ESF1: variants seen among roughly 807,000 people sequenced by gnomAD.
The protein encoded by ESF1 is ESF1 homolog.
Under a neutral mutation model 92.0 loss-of-function variants are expected in ESF1, and 58 were observed. That is an observed-to-expected ratio of 0.63 (90% CI 0.51 to 0.78). The LOEUF (loss-of-function observed/expected upper bound fraction) is 0.78. Among genes scored for constraint, ESF1 ranks in the 30% least tolerant of loss-of-function variants. The pLI is 0.00. For synonymous variants in ESF1, 321 were observed against 313.7 expected, an observed-to-expected ratio of 1.02 and a Z score of -0.24; for missense variants, 922 against 989.1, an observed-to-expected ratio of 0.93 and a Z score of 0.91.
At chr20:13,753,317 T>C (rs901967855) in intron 9 of ESF1, among the ~76,000 whole-genome samples, 5 of 151,476 alleles carry the variant, frequency 3.3e-5, no homozygotes, top group Admixed American at 3.3e-4. Flanking sequence ...CTGCTTCCCC[T>C]CTATCTCTTT....
At chr20:13,730,365 C>G (rs140737816) in intron 10 of ESF1, among the ~76,000 whole-genome samples, 1 of 151,264 alleles carries the variant, frequency 6.6e-6, no homozygotes, top group Admixed American at 6.6e-5. Flanking sequence ...TGAACCAACA[C>G]GCCTGGCCAA....
intron 8 of ESF1, among the ~76,000 whole-genome samples, chr20:13,762,679 TA>T (rs1455746100): frequency 2.0e-5 from 3 of 152,104 alleles, no homozygotes; most frequent in Non-Finnish European, 1.5e-5. Flanking sequence ...TATGCTCTCT[TA>T]TAAACAATAA....
rs1204566954 is a variant in ESF1 at position 13,751,571 on chromosome 20, T to TG, written c.1828+8120dup. ...TTTTAACTGGAATCCTGTGCAGGGATGTGGGGGGGAACCAGATCAATTAAC... is the reference window on the plus strand; with the variant it reads ...TTTTAACTGGAATCCTGTGCAGGGATGGTGGGGGGGAACCAGATCAATTAAC... On this transcript the variant is annotated intron_variant, in intron 9 of 13. Coordinates refer to ENST00000617257, the MANE Select transcript of ESF1 (RefSeq NM_001276380.2). Among the ~76,000 whole-genome samples the TG allele has an allele frequency of 3.3e-4, 50 of 152,236 alleles. No homozygotes were observed. In the East Asian group the frequency reaches 7.3e-3, roughly 22 times the overall value.
intron 8 of ESF1, among the ~76,000 whole-genome samples, chr20:13,760,729 G>A (rs180707073): frequency 7.4e-4 from 111 of 149,256 alleles, no homozygotes; most frequent in Non-Finnish European, 1.4e-3. Flanking sequence ...AGCCCCCACC[G>A]GCCAGCCGCC....
In ESF1 at chr20:13,733,740, CT is replaced by C; in HGVS notation, c.1930del (p.Arg644AspfsTer2). On this transcript the variant is annotated frameshift_variant, in exon 10 of 14. Transcript: ENST00000617257. LOFTEE classifies it high-confidence loss of function. ...QFLEKKKEKK[R>X]LKRKQKALAE... is the part of the protein sequence containing the mutation. ...TGATACCTTCTGTTTCCTTTTCAGT[CT>C]TTTTTTCTCTTTCTTCTTCTCTAAA... The C allele has an allele frequency of 1.2e-6, 2 of 1,611,648 alleles. No individual in the cohort carries two copies.
intron 9 of ESF1, among the ~76,000 whole-genome samples, chr20:13,736,111 C>A (rs1056048972): frequency 6.6e-6 from 1 of 152,148 alleles, no homozygotes; most frequent in Non-Finnish European, 1.5e-5. Context: ...TGAAGCTTAA[C>A]AGCATTGACA....
intron 12 of ESF1, 125 bp from the exon 13 acceptor site, chr20:13,717,639 C>T: frequency 2.0e-6 from 2 of 987,366 alleles, no homozygotes. Flanking sequence ...TCTGGGGTAC[C>T]ACCTGTTGTC....
intron 7 of ESF1, among the ~76,000 whole-genome samples, chr20:13,768,777 A>C (rs537748298): frequency 6.6e-6 from 1 of 151,520 alleles, no homozygotes; most frequent in Admixed American, 6.6e-5. Flanking sequence ...CACACCTGTA[A>C]TCCCAGCTAC....
At chr20:13,750,440 G>A (rs566771112) in intron 9 of ESF1, among the ~76,000 whole-genome samples, 15 of 152,124 alleles carry the variant, frequency 9.9e-5, no homozygotes, top group Non-Finnish European at 2.1e-4. Flanking sequence ...GGGAGGCAGC[G>A]GTTGCAGTGA....
At chr20:13,781,655 T>G (rs959364123) in intron 2 of ESF1, among the ~76,000 whole-genome samples, 3 of 152,194 alleles carry the variant, frequency 2.0e-5, no homozygotes, top group African/African-American at 7.2e-5. Flanking sequence ...TTCACCAAAG[T>G]GTGACCCCTG....
chr20:13,721,072 G>A (rs1044648344), intron 11 of ESF1, among the ~76,000 whole-genome samples: 1 of 152,154 alleles, frequency 6.6e-6, no homozygotes, highest in Non-Finnish European at 1.5e-5. Context: ...GCAGTGAGCA[G>A]AGATTGTGCC....
intron 2 of ESF1, among the ~76,000 whole-genome samples, chr20:13,781,847 A>G (rs186057804): frequency 6.6e-6 from 1 of 152,264 alleles, no homozygotes; most frequent in African/African-American, 2.4e-5. Flanking sequence ...CTCTTATTTT[A>G]TTTTTGAGAC....
chr20:13,760,419 G>A (rs6042350), intron 8 of ESF1, among the ~76,000 whole-genome samples: 133,847 of 148,728 alleles, frequency 0.9, 60,308 homozygotes, highest in East Asian at 1. Flanking sequence ...CCCGTCTGGG[G>A]TGTGAGGAGC....
chr20:13,726,111 T>C (rs2049899051), intron 11 of ESF1, among the ~76,000 whole-genome samples: 2 of 152,186 alleles, frequency 1.3e-5, no homozygotes, highest in Admixed American at 6.5e-5. Flanking sequence ...ATCTTTGGTC[T>C]AGAGCTCGGC....
At position 13,782,755 on chromosome 20, in the gene ESF1, GTT is replaced by G. The variant is rs762992919; in HGVS notation, c.384_385del (p.Lys128AsnfsTer2). On this transcript the variant is annotated frameshift_variant, in exon 2 of 14. Transcript: ENST00000617257. LOFTEE classifies it high-confidence loss of function. ...AATTCCTATAGAATTATCTAAATCA[GTT>G]TTATTTTCAGAACCCTTGTGATTAG... 6 of 1,596,072 alleles carry G rather than the reference GTT, an allele frequency of 3.8e-6. No homozygotes were observed. The highest frequency in any genetic ancestry group is 5.1e-6 in the Non-Finnish European group (6 of 1,175,356).
intron 1 of ESF1, among the ~76,000 whole-genome samples, chr20:13,783,580 G>A (rs577345443): frequency 6.6e-6 from 1 of 152,238 alleles, no homozygotes; most frequent in African/African-American, 2.4e-5. Flanking sequence ...CAGCACTTTC[G>A]GAGGCCAAGG....
chr20:13,747,131 C>T (rs956169617), intron 9 of ESF1, among the ~76,000 whole-genome samples: 1 of 152,028 alleles, frequency 6.6e-6, no homozygotes, highest in African/African-American at 2.4e-5. Context: ...GGTTGGGAAT[C>T]CTTGAAACAG....
intron 9 of ESF1, among the ~76,000 whole-genome samples, chr20:13,758,066 GAC>G (rs140561612): frequency 0.057 from 5,330 of 92,824 alleles, 152 homozygotes; most frequent in Middle Eastern, 0.099. Context: ...GAGATTTACT[GAC>G]ACAGAGAGCT....
chr20:13,780,025 G>A (rs1457399433), intron 2 of ESF1, among the ~76,000 whole-genome samples: 1 of 152,142 alleles, frequency 6.6e-6, no homozygotes, highest in African/African-American at 2.4e-5. Context: ...CACAGTAATT[G>A]CTGTAATAAC....
Sources: gnomAD v4.1 joint callset for allele counts (sites outside exome capture counted in the v4.1 genomes callset) on GRCh38, gnomAD v4.1.1 for gene constraint, MANE v1.5 for transcripts, NCBI Gene and HGNC (gene_info 2026-07-23, HGNC 2026-07-21) for gene names.